Variants in GRIP1 observed in about 807,000 individuals in gnomAD.
GRIP1 encodes glutamate receptor interacting protein 1.
In GRIP1, 45 loss-of-function variants were observed where a neutral mutation model predicts 129.9. That is an observed-to-expected ratio of 0.35 (90% CI 0.27 to 0.44). GRIP1 has a LOEUF of 0.44. GRIP1 is among the 20% of genes least tolerant of loss of function. The probability of loss-of-function intolerance (pLI) is 1.00; values close to 1 mark genes in which losing one functional copy is unlikely to be tolerated. For missense variants in GRIP1, 1,196 were observed against 1,396.8 expected (o/e 0.86, Z 2.29); for synonymous variants, 530 against 520.8 (o/e 1.02, Z -0.24).
intron 7 of GRIP1, among the ~76,000 whole-genome samples, chr12:66,471,340 T>C (rs895117802): frequency 2.0e-5 from 3 of 152,092 alleles, no homozygotes; most frequent in Admixed American, 6.5e-5. Context: ...AGTAAATCCA[T>C]AGGTACAGAA....
intron 6 of GRIP1, among the ~76,000 whole-genome samples, chr12:66,517,661 A>G (rs951357213): frequency 6.6e-6 from 1 of 152,142 alleles, no homozygotes; most frequent in African/African-American, 2.4e-5. Context: ...TACATTTCCA[A>G]TGGTGGTGGA....
chr12:66,579,722 A>G (rs2063295758), intron 2 of GRIP1, among the ~76,000 whole-genome samples: 1 of 152,100 alleles, frequency 6.6e-6, no homozygotes, highest in Admixed American at 6.5e-5. Flanking sequence ...GAATAAAAAG[A>G]AACAAACAAA....
intron 1 of GRIP1, among the ~76,000 whole-genome samples, chr12:66,597,528 T>C (rs1413521635): frequency 1.3e-5 from 2 of 152,052 alleles, no homozygotes; most frequent in Non-Finnish European, 2.9e-5. Flanking sequence ...AGGTTGAGAA[T>C]AGGGAAGGAA....
chr12:66,752,331 A>G (rs148173830), intron 1 of GRIP1, among the ~76,000 whole-genome samples: 75 of 152,310 alleles, frequency 4.9e-4, no homozygotes, highest in Non-Finnish European at 1.0e-3. Context: ...CTGTTTTCAA[A>G]GATACTAAAT....
At chr12:66,964,522 G>C (rs999188085) in intron 1 of GRIP1, among the ~76,000 whole-genome samples, 2 of 152,088 alleles carry the variant, frequency 1.3e-5, no homozygotes, top group African/African-American at 4.8e-5. Flanking sequence ...ATTCAGGCCT[G>C]TGTACATTCT....
intron 1 of GRIP1, among the ~76,000 whole-genome samples, chr12:66,849,610 T>C (rs1176511987): frequency 3.9e-5 from 6 of 152,100 alleles, no homozygotes; most frequent in Admixed American, 3.3e-4. Flanking sequence ...AGCATGACCC[T>C]GTCTCAAAAA....
chr12:67,030,519 A>T (rs2043007371), intron 1 of GRIP1, among the ~76,000 whole-genome samples: 1 of 152,102 alleles, frequency 6.6e-6, no homozygotes, highest in African/African-American at 2.4e-5. Context: ...TCCAATCTGG[A>T]ATTGTACTTT....
chr12:66,759,404 G>A (rs145171104), intron 1 of GRIP1, among the ~76,000 whole-genome samples: 2,749 of 152,302 alleles, frequency 0.018, 83 homozygotes, highest in African/African-American at 0.062. Context: ...CTGGGCCTGT[G>A]ATGGGAGGAG....
rs571661568 is a variant in GRIP1 at position 66,436,286 on chromosome 12, G to A, written c.1688-3658C>T. Among the ~76,000 whole-genome samples the A allele has an allele frequency of 1.4e-4, 21 of 152,216 alleles. No homozygotes were observed. In the South Asian group the frequency reaches 3.7e-3, roughly 27 times the overall value. ...AATGCAGACACCCTTTGTGAGGAAC[G>A]TGAACGTTTAACTCCCACCAATGCA... On this transcript the variant is annotated intron_variant, in intron 13 of 24. Coordinates refer to ENST00000359742, the MANE Select transcript of GRIP1 (RefSeq NM_001366722.1).
chr12:66,588,089 C>T (rs1480274365), intron 2 of GRIP1, among the ~76,000 whole-genome samples: 3 of 151,334 alleles, frequency 2.0e-5, no homozygotes, highest in South Asian at 2.1e-4. Flanking sequence ...TTCATTTTCT[C>T]GGTGTTATTT....
intron 23 of GRIP1, among the ~76,000 whole-genome samples, chr12:66,361,404 G>C (rs575637737): frequency 1.3e-5 from 2 of 152,244 alleles, no homozygotes; most frequent in South Asian, 4.1e-4. Context: ...CCTGGCCCTT[G>C]GGGAGCTGAG....
At chr12:66,397,859 T>C (rs1392342264) in intron 16 of GRIP1, among the ~76,000 whole-genome samples, 1 of 152,238 alleles carries the variant, frequency 6.6e-6, no homozygotes, top group Non-Finnish European at 1.5e-5. Context: ...TATTTTTGTA[T>C]ATATTTTGAA....
At chr12:66,509,498 T>C (rs780320426) in intron 7 of GRIP1, among the ~76,000 whole-genome samples, 1 of 151,954 alleles carries the variant, frequency 6.6e-6, no homozygotes, top group Non-Finnish European at 1.5e-5. Context: ...CAGTCATTGC[T>C]TTCAGAACTT....
Position 66,734,935 on chromosome 12 carries a change from C to T in GRIP1, c.-420+69118G>A, listed in dbSNP as rs77274433. 5.8e-3 allele frequency among the ~76,000 whole-genome samples: 878 copies of T among 152,248 alleles called. 4 individuals carry two copies. The highest frequency in any genetic ancestry group is 0.02 in the African/African-American group (840 of 41,556). On this transcript the variant is annotated intron_variant, in intron 1 of 4. Transcript: ENST00000538373. ...AATTATGGTAATAATATTAAGTCTACGTAATATAATAACTCAAATTTATTG... is the reference window on the plus strand; with the variant it reads ...AATTATGGTAATAATATTAAGTCTATGTAATATAATAACTCAAATTTATTG...
intron 16 of GRIP1, among the ~76,000 whole-genome samples, chr12:66,400,213 G>T (rs1015146605): frequency 5.3e-5 from 8 of 151,886 alleles, no homozygotes; most frequent in Non-Finnish European, 1.2e-4. Flanking sequence ...TGGGAGAGGG[G>T]CCTAGTCATC....
intron 2 of GRIP1, among the ~76,000 whole-genome samples, chr12:66,588,552 TCA>T (rs1189387633): frequency 6.6e-6 from 1 of 152,196 alleles, no homozygotes; most frequent in Non-Finnish European, 1.5e-5. Flanking sequence ...AGGATTCTCT[TCA>T]CCACCTTTTC....
chr12:66,729,402 T>C (rs1350542212), intron 1 of GRIP1, among the ~76,000 whole-genome samples: 2 of 152,196 alleles, frequency 1.3e-5, no homozygotes, highest in African/African-American at 2.4e-5. Flanking sequence ...TAAATACATA[T>C]GTGCCAGGCA....
At chr12:66,629,936 G>A (rs1055533991) in intron 1 of GRIP1, among the ~76,000 whole-genome samples, 1 of 152,042 alleles carries the variant, frequency 6.6e-6, no homozygotes, top group Non-Finnish European at 1.5e-5. Flanking sequence ...TTTGAATCTC[G>A]GGTTTTTACT....
chr12:67,005,962 C>T (rs942315245), intron 1 of GRIP1, among the ~76,000 whole-genome samples: 1 of 152,156 alleles, frequency 6.6e-6, no homozygotes, highest in African/African-American at 2.4e-5. Flanking sequence ...CTAATCTGCC[C>T]GTTAAACCTT....
Sources: allele counts gnomAD v4.1 joint callset (sites outside exome capture counted in the v4.1 genomes callset), GRCh38; gene constraint gnomAD v4.1.1; transcripts MANE v1.5; gene names NCBI Gene and HGNC (gene_info 2026-07-23, HGNC 2026-07-21).